Variants in CD163L1 observed in about 807,000 individuals in gnomAD.
CD163L1 encodes CD163 molecule like 1, also known as scavenger receptor cysteine-rich type 1 protein M160.
A neutral mutation model predicts 165.4 loss-of-function variants in CD163L1; 124 were observed. That is an observed-to-expected ratio of 0.75 (90% CI 0.65 to 0.87). CD163L1 has a LOEUF of 0.87. CD163L1 is among the 40% of genes least tolerant of loss of function. CD163L1 has a pLI of 0.00. For synonymous variants in CD163L1, 585 were observed against 662.2 expected (o/e 0.88, Z 1.79); for missense variants, 1,525 against 1,799.9 (o/e 0.85, Z 2.76).
In CD163L1 at chr12:7,421,024, C is replaced by CGTGTATATATATACAT. The variant is rs1555202004; in HGVS notation, c.766+11391_766+11392insATGTATATATATACAC. On this transcript the variant is annotated intron_variant, in intron 4 of 19. Coordinates refer to ENST00000313599, the MANE Select transcript of CD163L1 (RefSeq NM_174941.6). ...ATATATATATACGTGTATATATATA[C>CGTGTATATATATACAT]ATATATATATACGTGTATATATATG... 5.2e-4 allele frequency among the ~76,000 whole-genome samples: 55 copies of CGTGTATATATATACAT among 105,000 alleles called. 1 individual carries two copies. The highest frequency in any genetic ancestry group is 2.3e-3 in the African/African-American group (50 of 21,788). 68.9% of individuals were successfully genotyped at this position (105,000 alleles called of 152,430 possible).
rs367616118 is a variant in CD163L1 at position 7,376,982 on chromosome 12, T to C, written c.2372-968A>G. 3.7e-4 allele frequency among the ~76,000 whole-genome samples: 56 copies of C among 152,302 alleles called. 1 individual carries two copies. The highest frequency in any genetic ancestry group is 1.1e-3 in the African/African-American group (45 of 41,572). ...CCCAAATCCTCCCATGACTCCATAT[T>C]TCACTCAGAGTAAAAATCTAAACTC... On this transcript the variant is annotated intron_variant, in intron 9 of 19. Transcript: ENST00000313599.
intron 2 of CD163L1, among the ~76,000 whole-genome samples, chr12:7,440,665 C>A (rs1001600806): frequency 6.9e-6 from 1 of 145,704 alleles, no homozygotes; most frequent in Non-Finnish European, 1.5e-5. Context: ...CTTGCTCTGT[C>A]GCCCAGGCTG....
intron 7 of CD163L1, among the ~76,000 whole-genome samples, chr12:7,396,629 T>C (rs750438234): frequency 2.2e-4 from 34 of 152,246 alleles, no homozygotes; most frequent in African/African-American, 7.9e-4. Context: ...TCCAATCAGT[T>C]GAAGACCTTA....
chr12:7,338,407 T>C, the CD163L1 span, among the ~76,000 whole-genome samples: 1 of 152,234 alleles, frequency 6.6e-6, no homozygotes, highest in Non-Finnish European at 1.5e-5. Flanking sequence ...GAGATATTCC[T>C]GACATGAATA....
In CD163L1 at chr12:7,375,818, T is replaced by C. The variant is rs773933308; in HGVS notation, c.2568A>G (p.Leu856=). 6.2e-7 allele frequency: 1 copy of C among 1,614,250 alleles called. No homozygotes were observed. Among genetic ancestry groups the C allele is most frequent in the Non-Finnish European group, 8.5e-7 (1 of 1,180,042 alleles). Residue 856 remains leucine, a synonymous_variant, in exon 10 of 20, where the codon CTA becomes CTG. Transcript: ENST00000313599. ...CACACTGGAACTTTTCGGCCCAAGT[T>C]AGACCATTCCCTTTTCCAAAGTGAT... ...VGDHFGKGNG[L]TWAEKFQCEG... is the part of the protein sequence containing the mutation.
At chr12:7,382,656 T>C (rs1199336451) in intron 8 of CD163L1, among the ~76,000 whole-genome samples, 4 of 152,142 alleles carry the variant, frequency 2.6e-5, no homozygotes, top group African/African-American at 7.2e-5. Flanking sequence ...TGCCTAGAGT[T>C]TGCACAATAG....
At chr12:7,341,990 A>G (rs1267660504), downstream of CD163L1, among the ~76,000 whole-genome samples, 2 of 152,210 alleles carry the variant, frequency 1.3e-5, no homozygotes, top group African/African-American at 4.8e-5. Flanking sequence ...AGTCAGTTCA[A>G]ATCTCACACT....
chr12:7,377,932 A>G (rs1191383636), intron 9 of CD163L1, among the ~76,000 whole-genome samples: 2 of 152,214 alleles, frequency 1.3e-5, no homozygotes, highest in Non-Finnish European at 2.9e-5. Flanking sequence ...GTAGGACTCT[A>G]ATAGTTATAT....
At chr12:7,322,433 T>C in the CD163L1 span, 1 of 1,613,488 alleles carries the variant, frequency 6.2e-7, no homozygotes, top group Non-Finnish European at 8.5e-7. Flanking sequence ...AATTCAAGAG[T>C]CTGCGGCACT....
At position 7,360,953 on chromosome 12, in the gene CD163L1, TTTTGGTTTTGC is replaced by T. The variant is rs60178874; in HGVS notation, c.4280-3478_4280-3468del. ...CACTTTGGAGAAAGTGGGTTTTTGG[TTTTGGTTTTGC>T]TTTGTTTTGTTTTGTTTTGTCTTGA... On this transcript the variant is annotated intron_variant, in intron 18 of 19. Transcript: ENST00000313599. Among the ~76,000 whole-genome samples, 3,082 of 139,086 alleles carry T rather than the reference TTTTGGTTTTGC, an allele frequency of 0.022. 401 individuals are homozygous for T. In the East Asian group the frequency reaches 0.38, roughly 17 times the overall value. The allele number at this position is 139,086 out of a possible 152,430, so 91.2% of individuals were successfully genotyped here.
chr12:7,383,014 C>T (rs930789624), intron 8 of CD163L1, among the ~76,000 whole-genome samples: 1 of 152,142 alleles, frequency 6.6e-6, no homozygotes, highest in Non-Finnish European at 1.5e-5. Flanking sequence ...GCCTGAGAGC[C>T]ACCTGTCTGG....
chr12:7,332,643 A>G, the CD163L1 span, among the ~76,000 whole-genome samples: 1 of 152,232 alleles, frequency 6.6e-6, no homozygotes, highest in African/African-American at 2.4e-5. Context: ...ATTCTTAAAG[A>G]AAAGAATTTT....
Position 7,369,361 on chromosome 12 carries a change from G to A in CD163L1, c.4035C>T (p.Cys1345=), listed in dbSNP as rs1400601299. Residue 1345 remains cysteine (C), a synonymous_variant, in exon 15 of 20, where the codon TGC becomes TGT. Coordinates refer to ENST00000313599, the MANE Select transcript of CD163L1 (RefSeq NM_174941.6). This position sits in a 1 kb window ranked among gnomAD's most constrained non-coding sequence, Gnocchi z 4.9. ...GTGCAGCCTTTTCACACTTACCAGA[G>A]CACCTCACGCCAGCATCTTCCTTGT... ...CGHKEDAGVR[C]SGQSLKSLNA... is the part of the protein sequence containing the mutation. 6.2e-7 allele frequency: 1 copy of A among 1,613,702 alleles called. No individual in the cohort carries two copies. Among genetic ancestry groups the A allele is most frequent in the Admixed American group, 1.7e-5 (1 of 60,004 alleles).
At chr12:7,357,777 A>T (rs924450118) in intron 18 of CD163L1, among the ~76,000 whole-genome samples, 9 of 152,158 alleles carry the variant, frequency 5.9e-5, no homozygotes, top group Non-Finnish European at 1.3e-4. Context: ...TTTTGATTTT[A>T]AAAATGGGAC....
intron 8 of CD163L1, among the ~76,000 whole-genome samples, chr12:7,387,967 T>G (rs1235049898): frequency 6.6e-6 from 1 of 152,024 alleles, no homozygotes; most frequent in Admixed American, 6.5e-5. Flanking sequence ...AACCTAGAAA[T>G]AAGTCCATGT....
At chr12:7,380,387 A>G (rs767059536) in intron 8 of CD163L1, among the ~76,000 whole-genome samples, 2 of 141,434 alleles carry the variant, frequency 1.4e-5, no homozygotes, top group Admixed American at 1.4e-4. Flanking sequence ...GTATGTGTGT[A>G]TATGCGTATA....
At chr12:7,404,741 G>T (rs1192380110) in intron 5 of CD163L1, among the ~76,000 whole-genome samples, 1 of 152,014 alleles carries the variant, frequency 6.6e-6, no homozygotes, top group Non-Finnish European at 1.5e-5. Context: ...AGATTTGGAG[G>T]TTTATTTTCC....
intron 8 of CD163L1, among the ~76,000 whole-genome samples, chr12:7,379,825 GAA>G (rs1947347514): frequency 6.8e-6 from 1 of 147,660 alleles, no homozygotes; most frequent in Non-Finnish European, 1.5e-5. Flanking sequence ...CTCGGGAAAA[GAA>G]AACACAAAAT....
At chr12:7,441,341 GT>G in intron 1 of CD163L1, 95 bp from the exon 2 acceptor site, 1 of 873,352 alleles carries the variant, frequency 1.1e-6, no homozygotes, top group Non-Finnish European at 1.8e-6. Flanking sequence ...AATAGAAGGA[GT>G]AAGATGAATT....
Sources: allele counts gnomAD v4.1 joint callset (sites outside exome capture counted in the v4.1 genomes callset), GRCh38; gene constraint gnomAD v4.1.1; non-coding constraint Gnocchi (gnomAD v3.1); transcripts MANE v1.5; gene names NCBI Gene and HGNC (gene_info 2026-07-23, HGNC 2026-07-21).